Variants in MGAT5B observed in about 807,000 individuals in gnomAD.
MGAT5B encodes alpha-1,6-mannosylglycoprotein 6-beta-N-acetylglucosaminyltransferase B.
In MGAT5B, 54 loss-of-function variants were observed where a neutral mutation model predicts 95.1. The ratio of observed to expected loss-of-function variants is 0.57; its 90% CI spans 0.46 to 0.71. The LOEUF is 0.71. MGAT5B is among the 30% of genes least tolerant of loss of function. The pLI is 0.00. For missense variants in MGAT5B, 935 were observed against 1,088.6 expected (o/e 0.86, Z 1.99); for synonymous variants, 464 against 451.0 (o/e 1.03, Z -0.36).
At position 76,870,688 on chromosome 17, in the gene MGAT5B, C is replaced by G. The variant is rs892885555; in HGVS notation, c.68+1591C>G. Among the ~76,000 whole-genome samples, 2 of 152,002 alleles carry G rather than the reference C, an allele frequency of 1.3e-5. No individual in the cohort carries two copies. Among genetic ancestry groups the G allele is most frequent in the African/African-American group, 4.8e-5 (2 of 41,402 alleles). ...TCCCCAAAGTTGTGTAACTTCACCC[C>G]AGGGTCTCCCTGGGCTGCCCGGAGA... On this transcript the variant is annotated intron_variant, in intron 1 of 17. Coordinates refer to ENST00000569840, the MANE Select transcript of MGAT5B (RefSeq NM_001199172.2). The surrounding 1 kb of genome is among the most constrained non-coding windows in gnomAD (Gnocchi z 5.0).
At chr17:76,935,886 T>TAC (rs1567822951) in intron 12 of MGAT5B, among the ~76,000 whole-genome samples, 1 of 51,098 alleles carries the variant, frequency 2.0e-5, no homozygotes, top group African/African-American at 7.4e-5. Flanking sequence ...ATATTATATA[T>TAC]TATATAATTA....
At position 76,869,380 on chromosome 17, in the gene MGAT5B, G is replaced by T. The variant is rs1330248744; in HGVS notation, c.68+283G>T. Among the ~76,000 whole-genome samples, 1 of 152,058 alleles carries T rather than the reference G, an allele frequency of 6.6e-6. No homozygotes were observed. Among genetic ancestry groups the T allele is most frequent in the Non-Finnish European group, 1.5e-5 (1 of 68,004 alleles). On this transcript the variant is annotated intron_variant, in intron 1 of 17. Coordinates refer to ENST00000569840, the MANE Select transcript of MGAT5B (RefSeq NM_001199172.2). The surrounding 1 kb of genome is among the most constrained non-coding windows in gnomAD (Gnocchi z 7.0). Reference sequence around the variant, plus strand: ...GGGGGCAGAAAACCCCCAGGTCGTGGTCCTGGGCCCAGAAAGTTGCCCCAG... The same window carrying T: ...GGGGGCAGAAAACCCCCAGGTCGTGTTCCTGGGCCCAGAAAGTTGCCCCAG...
intron 8 of MGAT5B, among the ~76,000 whole-genome samples, chr17:76,907,350 C>A (rs1019954134): frequency 5.3e-5 from 8 of 152,332 alleles, no homozygotes; most frequent in Middle Eastern, 3.4e-3. Context: ...CGCACCCAGC[C>A]TGCTTTTGTA....
At position 76,868,938 on chromosome 17, in the gene MGAT5B, C is replaced by T. The variant is rs1359785905; in HGVS notation, c.-92C>T. On this transcript the variant is annotated 5_prime_UTR_variant, in exon 1 of 18. Coordinates refer to ENST00000569840, the MANE Select transcript of MGAT5B (RefSeq NM_001199172.2). The surrounding 1 kb of genome is among the most constrained non-coding windows in gnomAD (Gnocchi z 6.3). ...TTCGCTCGGACGCGGCTTCGGCCCG[C>T]AGAGGGTTCGTGGCCCGGACGCGGC... The T allele has an allele frequency of 1.6e-5, 21 of 1,307,410 alleles. No individual in the cohort carries two copies. Among genetic ancestry groups the T allele is most frequent in the Non-Finnish European group, 2.0e-5 (18 of 919,448 alleles). 81.0% of individuals were successfully genotyped at this position (1,307,410 alleles called of 1,614,324 possible). A position where few individuals can be genotyped will look rare whatever the true frequency, so the allele number is the denominator to read the frequency against.
At chr17:76,872,276 C>T (rs1967037846) in intron 1 of MGAT5B, among the ~76,000 whole-genome samples, 1 of 152,188 alleles carries the variant, frequency 6.6e-6, no homozygotes, top group Admixed American at 6.5e-5. Context: ...TTCAAACAAG[C>T]TCATGACTGC....
intron 3 of MGAT5B, 36 bp downstream of exon 3, chr17:76,882,334 G>A: frequency 6.4e-7 from 1 of 1,551,628 alleles, no homozygotes; most frequent in Non-Finnish European, 8.7e-7. Flanking sequence ...ACGGAGCAGG[G>A]GAGCGGTGGC....
intron 8 of MGAT5B, among the ~76,000 whole-genome samples, chr17:76,910,318 T>C (rs1055437345): frequency 6.6e-6 from 1 of 152,234 alleles, no homozygotes; most frequent in African/African-American, 2.4e-5. Flanking sequence ...GCCTGGAATA[T>C]GCATCGATGC....
chr17:76,922,467 TGGA>T (rs1969150328), intron 8 of MGAT5B, among the ~76,000 whole-genome samples: 2 of 152,336 alleles, frequency 1.3e-5, no homozygotes, highest in Admixed American at 1.3e-4. Flanking sequence ...TCAGTTTTAC[TGGA>T]GGAGTTTTGG....
Position 76,868,417 on chromosome 17 carries a change from C to T in MGAT5B, c.-613C>T, listed in dbSNP as rs1254974599. The T allele has an allele frequency of 3.3e-5, 5 of 151,300 alleles. No homozygotes were observed. The highest frequency in any genetic ancestry group is 1.5e-5 in the Non-Finnish European group (1 of 67,750). 9.4% of individuals were successfully genotyped at this position (151,300 alleles called of 1,614,324 possible). ...CGCCCCAGCGCCGCTCGGCCGCCTC[C>T]TCCGAGGAACAATGCGGCGCCTCCG... On this transcript the variant is annotated 5_prime_UTR_variant, in exon 1 of 18. Transcript: ENST00000569840. The surrounding 1 kb of genome is among the most constrained non-coding windows in gnomAD (Gnocchi z 6.3).
intron 1 of MGAT5B, among the ~76,000 whole-genome samples, chr17:76,871,851 C>T (rs549409061): frequency 1.5e-4 from 23 of 152,298 alleles, no homozygotes; most frequent in African/African-American, 5.5e-4. Context: ...CCAGAAGAGC[C>T]CCAAGGCTGT....
intron 8 of MGAT5B, chr17:76,924,530 GCAC>G: frequency 6.1e-6 from 1 of 162,678 alleles, no homozygotes; most frequent in Non-Finnish European, 1.3e-5. Context: ...AGCTCAGTCA[GCAC>G]TGCAAGACTG....
At position 76,869,667 on chromosome 17, in the gene MGAT5B, A is replaced by T. The variant is rs958996841; in HGVS notation, c.68+570A>T. On this transcript the variant is annotated intron_variant, in intron 1 of 17. Transcript: ENST00000569840. The surrounding 1 kb of genome is among the most constrained non-coding windows in gnomAD (Gnocchi z 7.0). ...CCGAGATTAGAGCGAGGACTCGCTC[A>T]TCCCAGGATTCGCCCCCGATCGCAG... 9.8e-5 allele frequency among the ~76,000 whole-genome samples: 15 copies of T among 152,326 alleles called. No individual in the cohort carries two copies. The highest frequency in any genetic ancestry group is 3.6e-4 in the African/African-American group (15 of 41,574).
rs189047670 is a variant in MGAT5B, at chr17:76,932,883, C to G, written c.1422+108C>G. ...ATGCGGTGCCCTCCTCCCGCCCCAGCCCTGCATGCTGGAAATGTCTCCCAT... is the reference window on the plus strand; with the variant it reads ...ATGCGGTGCCCTCCTCCCGCCCCAGGCCTGCATGCTGGAAATGTCTCCCAT... On this transcript the variant is annotated intron_variant, in intron 11 of 17. Transcript: ENST00000569840. The G allele has an allele frequency of 2.7e-4, 400 of 1,462,368 alleles. No individual in the cohort carries two copies. The African/African-American group carries it at 5.1e-3, about 18-fold the overall frequency. 90.6% of individuals were successfully genotyped at this position (1,462,368 alleles called of 1,614,324 possible).
intron 1 of MGAT5B, among the ~76,000 whole-genome samples, chr17:76,871,160 G>A (rs571206517): frequency 3.3e-5 from 5 of 152,256 alleles, no homozygotes; most frequent in Admixed American, 2.6e-4. Flanking sequence ...GGGGAAGTCC[G>A]TCCTTGTCCT....
intron 16 of MGAT5B, 106 bp from the exon 17 acceptor site, chr17:76,947,724 C>T: frequency 7.0e-7 from 1 of 1,438,782 alleles, no homozygotes; most frequent in African/African-American, 1.4e-5. Context: ...CAGTAAGCGC[C>T]CAGTAGTGGT....
Position 76,925,200 on chromosome 17 carries a change from G to A in MGAT5B, c.1157+103G>A, listed in dbSNP as rs1160599710. The A allele has an allele frequency of 5.5e-6, 8 of 1,446,674 alleles. No individual in the cohort carries two copies. The African/African-American group carries it at 1.1e-4, about 20-fold the overall frequency. 89.6% of individuals were successfully genotyped at this position (1,446,674 alleles called of 1,614,324 possible). ...GTCCCCACTCAGCCAGCTGGGCCCA[G>A]GTGGGAGAACATACTGTCCTGCATC... On this transcript the variant is annotated intron_variant, in intron 9 of 17. Coordinates refer to ENST00000569840, the MANE Select transcript of MGAT5B (RefSeq NM_001199172.2).
chr17:76,873,235 G>C (rs1723409105), intron 2 of MGAT5B, among the ~76,000 whole-genome samples: 1 of 152,262 alleles, frequency 6.6e-6, no homozygotes, highest in South Asian at 2.1e-4. Flanking sequence ...TGCCAGTGTT[G>C]CTTCTTTAGT....
At chr17:76,882,849 G>A (rs1967484925) in intron 3 of MGAT5B, among the ~76,000 whole-genome samples, 2 of 150,880 alleles carry the variant, frequency 1.3e-5, no homozygotes, top group Admixed American at 1.3e-4. Context: ...TGAGTAGCTG[G>A]GACTACAGGC....
intron 3 of MGAT5B, among the ~76,000 whole-genome samples, chr17:76,892,684 G>A (rs114134688): frequency 2.6e-5 from 4 of 152,254 alleles, no homozygotes; most frequent in Admixed American, 6.5e-5. Flanking sequence ...CTGGAGACCC[G>A]CATGGAGCAC....
Sources: allele counts gnomAD v4.1 joint callset (sites outside exome capture counted in the v4.1 genomes callset), GRCh38; gene constraint gnomAD v4.1.1; non-coding constraint Gnocchi (gnomAD v3.1); transcripts MANE v1.5; gene names NCBI Gene and HGNC (gene_info 2026-07-23, HGNC 2026-07-21).